MINDY4: variants seen among roughly 807,000 people sequenced by gnomAD.
MINDY4 encodes the protein probable ubiquitin carboxyl-terminal hydrolase MINDY-4.
A neutral mutation model predicts 87.0 loss-of-function variants in MINDY4; 68 were observed. The ratio of observed to expected loss-of-function variants is 0.78; its 90% CI spans 0.64 to 0.96. The LOEUF (loss-of-function observed/expected upper bound fraction) is 0.96, where lower values mean the gene tolerates loss of function less well. MINDY4 is among the 40% of genes least tolerant of loss of function. The pLI is 0.00. For synonymous variants in MINDY4, 379 were observed against 363.2 expected, an observed-to-expected ratio of 1.04 and a Z score of -0.50; for missense variants, 919 against 928.2, an observed-to-expected ratio of 0.99 and a Z score of 0.13.
chr7:30,826,998 G>T (rs1337450209), intron 5 of MINDY4, among the ~76,000 whole-genome samples: 1 of 152,170 alleles, frequency 6.6e-6, no homozygotes, highest in East Asian at 1.9e-4. Flanking sequence ...TTGCTTTCTA[G>T]GAAGATGACT....
At chr7:30,825,620 C>T (rs1304215355) in intron 5 of MINDY4, among the ~76,000 whole-genome samples, 1 of 152,198 alleles carries the variant, frequency 6.6e-6, no homozygotes, top group Admixed American at 6.5e-5. Flanking sequence ...GGGTTTGAAT[C>T]CTGACTCTGG....
At chr7:30,811,492 T>C (rs943616225) in intron 5 of MINDY4, among the ~76,000 whole-genome samples, 1 of 152,162 alleles carries the variant, frequency 6.6e-6, no homozygotes, top group African/African-American at 2.4e-5. Flanking sequence ...ACTCCCACTA[T>C]TGAGTGAGAT....
At chr7:30,864,659 G>T (rs1459896670) in intron 13 of MINDY4, among the ~76,000 whole-genome samples, 3 of 152,254 alleles carry the variant, frequency 2.0e-5, no homozygotes, top group Non-Finnish European at 2.9e-5. Context: ...CCAGGCCTGG[G>T]CTGCACCATC....
At position 30,799,375 on chromosome 7, in the gene MINDY4, T is replaced by C. The variant is rs146932079; in HGVS notation, c.1073+7801T>C. On this transcript the variant is annotated intron_variant, in intron 5 of 17. Transcript: ENST00000265299. ...ATAGGCTCCTCTGAGCACCTGTGGG[T>C]ATATAGTAAATGGATTTAGGACACA... Among the ~76,000 whole-genome samples, 433 of 152,178 alleles carry C rather than the reference T, an allele frequency of 2.8e-3. 1 individual carries two copies. The highest frequency in any genetic ancestry group is 9.9e-3 in the African/African-American group (412 of 41,516).
Position 30,840,836 on chromosome 7 carries a change from C to T in MINDY4, c.1433C>T (p.Ala478Val). 10 of 1,613,972 alleles carry T rather than the reference C, an allele frequency of 6.2e-6. 1 individual carries two copies. Among genetic ancestry groups the T allele is most frequent in the Non-Finnish European group, 8.5e-6 (10 of 1,179,824 alleles). ...QKLLFEGDSK[A>V]DCAQGLQPSD... ...CTCCTGTTTGAAGGAGATAGCAAAG[C>T]CGACTGTGCTCAGTAAGTCAGTGCT... is the stretch of plus-strand genomic sequence containing the variant. The change falls in exon 9 of 18, where the codon GCC becomes GTC. Residue 478 changes from alanine to valine, a missense_variant. Physicochemically the swap from Ala to Val is moderately conservative, Grantham distance 64. Coordinates refer to ENST00000265299, the MANE Select transcript of MINDY4 (RefSeq NM_032222.3).
rs910121883 is a variant in MINDY4, at chr7:30,782,225, A to G, written c.419+13A>G. Reference sequence around the variant, plus strand: ...CAAGCAAAGCCAGGTATCTTTTCCCATTATTATGTTTATTAGTTTCCTATT... The same window carrying G: ...CAAGCAAAGCCAGGTATCTTTTCCCGTTATTATGTTTATTAGTTTCCTATT... On this transcript the variant is annotated intron_variant, in intron 3 of 17. Coordinates refer to ENST00000265299, the MANE Select transcript of MINDY4 (RefSeq NM_032222.3). The G allele has an allele frequency of 3.8e-6, 6 of 1,597,418 alleles. No individual in the cohort carries two copies. The African/African-American group carries it at 6.7e-5, about 18-fold the overall frequency.
At chr7:30,784,211 T>G (rs1787086895) in intron 3 of MINDY4, among the ~76,000 whole-genome samples, 1 of 152,160 alleles carries the variant, frequency 6.6e-6, no homozygotes, top group Admixed American at 6.5e-5. Context: ...GAAATACTTC[T>G]GGTACAATAA....
intron 6 of MINDY4, among the ~76,000 whole-genome samples, chr7:30,830,319 A>G (rs898209240): frequency 9.8e-5 from 15 of 152,332 alleles, no homozygotes; most frequent in South Asian, 2.1e-4. Flanking sequence ...ATAGCAACAC[A>G]TGAAGCAGAT....
intron 14 of MINDY4, 101 bp from the exon 15 acceptor site, chr7:30,875,394 T>A: frequency 1.5e-6 from 2 of 1,320,480 alleles, no homozygotes; most frequent in Non-Finnish European, 2.2e-6. Context: ...CTCCTTGCTT[T>A]CCTTCCTTCT....
intron 5 of MINDY4, among the ~76,000 whole-genome samples, chr7:30,807,256 A>G (rs1787840281): frequency 6.6e-6 from 1 of 152,106 alleles, no homozygotes; most frequent in Admixed American, 6.6e-5. Context: ...TGCTGTATGG[A>G]GGGCAAATGA....
At chr7:30,773,572 T>A (rs1380184291) in intron 1 of MINDY4, among the ~76,000 whole-genome samples, 2 of 152,162 alleles carry the variant, frequency 1.3e-5, no homozygotes, top group African/African-American at 2.4e-5. Context: ...GGAGTCATGA[T>A]AGTCTCCTGG....
chr7:30,811,205 A>C (rs956599060), intron 5 of MINDY4, among the ~76,000 whole-genome samples: 1 of 152,114 alleles, frequency 6.6e-6, no homozygotes, highest in Admixed American at 6.5e-5. Flanking sequence ...AACAGTTAAC[A>C]GTGTTACATG....
intron 4 of MINDY4, among the ~76,000 whole-genome samples, chr7:30,789,610 C>A (rs1584240277): frequency 6.6e-6 from 1 of 152,200 alleles, no homozygotes; most frequent in East Asian, 1.9e-4. Flanking sequence ...ATGTCTTCCT[C>A]ACTTTGTGGA....
At chr7:30,791,705 C>T in intron 5 of MINDY4, 131 bp downstream of exon 5, 1 of 1,000,880 alleles carries the variant, frequency 1.0e-6, no homozygotes, top group Non-Finnish European at 1.4e-6. Context: ...TGCGAAGTAA[C>T]CGGCAAGGTA....
At chr7:30,789,633 A>C (rs917342742) in intron 4 of MINDY4, among the ~76,000 whole-genome samples, 2 of 152,160 alleles carry the variant, frequency 1.3e-5, no homozygotes, top group Non-Finnish European at 1.5e-5. Context: ...GGATGTCCTG[A>C]GTGGCTTTGG....
At chr7:30,875,013 A>G (rs1395212775) in intron 14 of MINDY4, among the ~76,000 whole-genome samples, 3 of 152,206 alleles carry the variant, frequency 2.0e-5, no homozygotes, top group Admixed American at 6.5e-5. Flanking sequence ...GACTCACCCA[A>G]ATGTCACTTC....
chr7:30,884,093 C>T (rs981262245), intron 17 of MINDY4, among the ~76,000 whole-genome samples: 1 of 151,952 alleles, frequency 6.6e-6, no homozygotes, highest in African/African-American at 2.4e-5. Context: ...GGGGTTGTGA[C>T]GGGGGATGCA....
At chr7:30,836,181 T>C (rs1788851552) in intron 6 of MINDY4, among the ~76,000 whole-genome samples, 1 of 152,268 alleles carries the variant, frequency 6.6e-6, no homozygotes, top group African/African-American at 2.4e-5. Flanking sequence ...ATAGTGATTA[T>C]ATGCAATAAT....
chr7:30,841,073 C>T lies in MINDY4; in HGVS notation c.1445+225C>T, dbSNP rs190465700. 3.3e-3 allele frequency among the ~76,000 whole-genome samples: 498 copies of T among 152,186 alleles called. 4 individuals carry two copies. The highest frequency in any genetic ancestry group is 0.011 in the African/African-American group (468 of 41,500). On this transcript the variant is annotated intron_variant, in intron 9 of 17. Coordinates refer to ENST00000265299, the MANE Select transcript of MINDY4 (RefSeq NM_032222.3). Reference sequence around the variant, plus strand: ...AGCGGGGAGGGTTCTCAGTGGTGCTCCACCTGGGAAGGGGCTGCAGGAACG... The same window carrying T: ...AGCGGGGAGGGTTCTCAGTGGTGCTTCACCTGGGAAGGGGCTGCAGGAACG...
Sources: gnomAD v4.1 joint callset for allele counts (sites outside exome capture counted in the v4.1 genomes callset) on GRCh38, gnomAD v4.1.1 for gene constraint, MANE v1.5 for transcripts, NCBI Gene and HGNC (gene_info 2026-07-23, HGNC 2026-07-21) for gene names.